Variants in ARHGAP26 observed in about 807,000 individuals in gnomAD.
ARHGAP26 encodes the protein Rho GTPase activating protein 26, also known as rho GTPase-activating protein 26.
A neutral mutation model predicts 104.8 loss-of-function variants in ARHGAP26; 38 were observed. That is an observed-to-expected ratio of 0.36 (90% CI 0.28 to 0.48). The LOEUF is 0.48. ARHGAP26 is among the 20% of genes least tolerant of loss of function. ARHGAP26 has a pLI of 0.99. For synonymous variants in ARHGAP26, 341 were observed against 340.0 expected (o/e 1.00, Z -0.03); for missense variants, 704 against 947.9 (o/e 0.74, Z 3.38).
intron 12 of ARHGAP26, among the ~76,000 whole-genome samples, chr5:143,016,320 G>A (rs1482235144): frequency 6.6e-6 from 1 of 152,198 alleles, no homozygotes; most frequent in African/African-American, 2.4e-5. Context: ...TATTCACAGA[G>A]CAAAGAGAGT....
intron 1 of ARHGAP26, among the ~76,000 whole-genome samples, chr5:142,841,784 T>G (rs1057033883): frequency 2.0e-5 from 3 of 152,184 alleles, no homozygotes; most frequent in Admixed American, 2.0e-4. Context: ...ACAAGGAAAG[T>G]AGAGTAGTGC....
At chr5:143,113,827 T>C (rs1795068445) in intron 17 of ARHGAP26, among the ~76,000 whole-genome samples, 1 of 152,204 alleles carries the variant, frequency 6.6e-6, no homozygotes, top group Admixed American at 6.5e-5. Context: ...ATTTTTCCCC[T>C]ACGGTGACTT....
At position 143,091,088 on chromosome 5, in the gene ARHGAP26, T is replaced by A. The variant is rs1044580599; in HGVS notation, c.1539-29900T>A. 3.9e-5 allele frequency among the ~76,000 whole-genome samples: 6 copies of A among 152,376 alleles called. No homozygotes were observed. The East Asian group carries it at 1.2e-3, about 29-fold the overall frequency. ...AAAGAAAAAAGAGTAATAGAATAGA[T>A]GAATGAAAGTTAAATTTCTTAGCTT... On this transcript the variant is annotated intron_variant, in intron 17 of 22. Transcript: ENST00000645722.
intron 20 of ARHGAP26, among the ~76,000 whole-genome samples, chr5:143,181,326 C>A (rs1383578435): frequency 1.3e-5 from 2 of 152,238 alleles, no homozygotes; most frequent in African/African-American, 2.4e-5. Flanking sequence ...TTTACTTTGA[C>A]CTTACTGTAC....
intron 10 of ARHGAP26, 89 bp from the exon 11 acceptor site, chr5:142,931,958 C>A: frequency 8.1e-7 from 1 of 1,232,354 alleles, no homozygotes; most frequent in Non-Finnish European, 1.2e-6. Flanking sequence ...CAGCCACTGA[C>A]TCTTTTGAGT....
At chr5:142,890,150 AAATATATATATATATAT>A (rs1429156087) in intron 5 of ARHGAP26, among the ~76,000 whole-genome samples, 24 of 70,960 alleles carry the variant, frequency 3.4e-4, no homozygotes, top group African/African-American at 6.5e-4. Context: ...AAAAAAAAAA[AAATATATATATATATAT>A]ATATATATAT....
At chr5:142,784,992 T>C (rs1758272946) in intron 1 of ARHGAP26, among the ~76,000 whole-genome samples, 1 of 148,728 alleles carries the variant, frequency 6.7e-6, no homozygotes, top group Non-Finnish European at 1.5e-5. Flanking sequence ...AGTGGCGCGA[T>C]CTCGGCTCAC....
At chr5:143,161,479 CTG>C (rs1430533998) in intron 20 of ARHGAP26, among the ~76,000 whole-genome samples, 6 of 152,198 alleles carry the variant, frequency 3.9e-5, no homozygotes, top group Non-Finnish European at 8.8e-5. Flanking sequence ...TGATCTTCAT[CTG>C]TCATTCTCCA....
At chr5:142,899,886 G>T (rs2152447328) in intron 6 of ARHGAP26, among the ~76,000 whole-genome samples, 1 of 152,308 alleles carries the variant, frequency 6.6e-6, no homozygotes, top group East Asian at 1.9e-4. Flanking sequence ...GGGAGCACTT[G>T]CGGGTATGCC....
chr5:143,091,042 A>G (rs1350081882), intron 17 of ARHGAP26, among the ~76,000 whole-genome samples: 1 of 152,236 alleles, frequency 6.6e-6, no homozygotes. Context: ...TAATAACTAG[A>G]TGGTCAGCAA....
chr5:142,878,760 G>C (rs552511228), intron 3 of ARHGAP26, among the ~76,000 whole-genome samples: 1 of 152,256 alleles, frequency 6.6e-6, no homozygotes, highest in East Asian at 1.9e-4. Flanking sequence ...GAGGTGGGAC[G>C]AGTTTGGTGC....
chr5:143,014,983 T>C (rs1054127289), intron 12 of ARHGAP26, among the ~76,000 whole-genome samples: 1 of 152,170 alleles, frequency 6.6e-6, no homozygotes, highest in Admixed American at 6.5e-5. Context: ...GATGAAGTTG[T>C]TTTTTTGTGA....
At chr5:143,162,432 T>C (rs558154785) in intron 20 of ARHGAP26, among the ~76,000 whole-genome samples, 18 of 152,240 alleles carry the variant, frequency 1.2e-4, no homozygotes, top group Admixed American at 1.2e-3. Flanking sequence ...GAAAATAAAC[T>C]GGCAAGAAAT....
intron 18 of ARHGAP26, among the ~76,000 whole-genome samples, chr5:143,128,477 C>T (rs760544859): frequency 1.3e-5 from 2 of 152,146 alleles, no homozygotes; most frequent in Non-Finnish European, 2.9e-5. Flanking sequence ...GATCCCTCTG[C>T]CAAAATGCTG....
At position 143,215,758 on chromosome 5, in the gene ARHGAP26, A is replaced by G. The variant is rs543969916; in HGVS notation, c.2191+1670A>G. Among the ~76,000 whole-genome samples, 5 of 152,352 alleles carry G rather than the reference A, an allele frequency of 3.3e-5. No homozygotes were observed. The South Asian group carries it at 6.2e-4, about 19-fold the overall frequency. On this transcript the variant is annotated intron_variant, in intron 22 of 22. Coordinates refer to ENST00000645722, the MANE Select transcript of ARHGAP26 (RefSeq NM_001135608.3). ...TTTGAAACTGGATTCTTTAGTTTGC[A>G]TAATGTTTTCAAGGTTCATCCACAT...
At chr5:142,812,081 G>A (rs1327314176) in intron 1 of ARHGAP26, among the ~76,000 whole-genome samples, 2 of 151,988 alleles carry the variant, frequency 1.3e-5, no homozygotes, top group African/African-American at 4.8e-5. Context: ...TTTGTGAAAG[G>A]CTCCCCCTCC....
chr5:143,112,441 T>G (rs892813464), intron 17 of ARHGAP26, among the ~76,000 whole-genome samples: 19 of 151,698 alleles, frequency 1.3e-4, no homozygotes, highest in Middle Eastern at 3.4e-3. Context: ...AAGGGTTTTC[T>G]TTAAGAAAAT....
chr5:143,076,132 A>C (rs965150335), intron 17 of ARHGAP26, among the ~76,000 whole-genome samples: 1 of 149,674 alleles, frequency 6.7e-6, no homozygotes, highest in African/African-American at 2.5e-5. Flanking sequence ...AACTAGGACT[A>C]CAGGTGTGCG....
intron 1 of ARHGAP26, chr5:142,866,746 T>C (rs1293421702): frequency 6.6e-6 from 1 of 152,124 alleles, no homozygotes; most frequent in Non-Finnish European, 1.5e-5. Context: ...AAATGCTGTT[T>C]TAGGGAAATG....
Sources: allele counts gnomAD v4.1 joint callset (sites outside exome capture counted in the v4.1 genomes callset), GRCh38; gene constraint gnomAD v4.1.1; transcripts MANE v1.5; gene names NCBI Gene and HGNC (gene_info 2026-07-23, HGNC 2026-07-21).